AFG1L: variants seen among roughly 807,000 people sequenced by gnomAD.
AFG1L encodes AFG1-like ATPase.
A neutral mutation model predicts 62.2 loss-of-function variants in AFG1L; 53 were observed. The ratio of observed to expected loss-of-function variants is 0.85; its 90% confidence interval spans 0.68 to 1.07. The LOEUF is 1.07. Among genes scored for constraint, AFG1L ranks in the 50% least tolerant of loss-of-function variants. The probability of loss-of-function intolerance (pLI) is 0.00; values close to 1 mark genes in which losing one functional copy is unlikely to be tolerated. For synonymous variants in AFG1L, 228 were observed against 210.3 expected, an observed-to-expected ratio of 1.08 and a Z score of -0.73; for missense variants, 555 against 590.5, an observed-to-expected ratio of 0.94 and a Z score of 0.62.
chr6:108,399,673 CTTTTTTTTTTT>C (rs1215452077), intron 6 of AFG1L, among the ~76,000 whole-genome samples: 1 of 84,862 alleles, frequency 1.2e-5, no homozygotes, highest in Non-Finnish European at 2.6e-5. Flanking sequence ...AATAGTTTTC[CTTTTTTTTTTT>C]TTTTTTTTAA....
intron 8 of AFG1L, among the ~76,000 whole-genome samples, chr6:108,475,662 G>A (rs1171934384): frequency 6.6e-6 from 1 of 152,126 alleles, no homozygotes; most frequent in East Asian, 1.9e-4. Context: ...GTTGACCATT[G>A]CAAATGATGT....
chr6:108,506,353 G>A (rs1361914640), intron 10 of AFG1L, among the ~76,000 whole-genome samples: 3 of 152,078 alleles, frequency 2.0e-5, no homozygotes, highest in Admixed American at 1.3e-4. Flanking sequence ...AACTACAGGC[G>A]CATACCACCA....
intron 2 of AFG1L, among the ~76,000 whole-genome samples, chr6:108,324,356 AAGG>A (rs1163690310): frequency 6.6e-6 from 1 of 152,206 alleles, no homozygotes; most frequent in Non-Finnish European, 1.5e-5. Flanking sequence ...AGCAGTGGAA[AAGG>A]AGGAGTGATG....
chr6:108,522,917 T>TG lies in AFG1L; in HGVS notation c.*492_*493insG, dbSNP rs1302985569. Reference sequence around the variant, plus strand: ...TAGAATATGGGCTTATATGTGGTTTTTTTTTTTGGTTATGAATTACAGTAA... The same window carrying TG: ...TAGAATATGGGCTTATATGTGGTTTTGTTTTTTTGGTTATGAATTACAGTAA... On this transcript the variant is annotated 3_prime_UTR_variant, in exon 13 of 13. Coordinates refer to ENST00000368977, the MANE Select transcript of AFG1L (RefSeq NM_145315.5). The TG allele has an allele frequency of 6.6e-6, 1 of 152,080 alleles. No individual in the cohort carries two copies. The highest frequency in any genetic ancestry group is 1.5e-5 in the Non-Finnish European group (1 of 68,040). The allele number at this position is 152,080 out of a possible 1,614,324, so 9.4% of individuals were successfully genotyped here. A position where few individuals can be genotyped will look rare whatever the true frequency, so the allele number is the denominator to read the frequency against.
chr6:108,398,404 T>G (rs1781409757), intron 6 of AFG1L, among the ~76,000 whole-genome samples: 1 of 152,170 alleles, frequency 6.6e-6, no homozygotes. Flanking sequence ...ATTCTGTGGG[T>G]TGTCTCTTCA....
In AFG1L at chr6:108,502,592, G is replaced by A. The variant is rs141738990; in HGVS notation, c.1063-7620G>A. On this transcript the variant is annotated intron_variant, in intron 10 of 12. Transcript: ENST00000368977. Reference sequence around the variant, plus strand: ...TGACCTCAAGTGATCCGCCCACCTCGGCCTCCCAAAGTGCTGGGATTATAG... The same window carrying A: ...TGACCTCAAGTGATCCGCCCACCTCAGCCTCCCAAAGTGCTGGGATTATAG... Among the ~76,000 whole-genome samples, 992 of 152,070 alleles carry A rather than the reference G, an allele frequency of 6.5e-3. 8 individuals carry two copies. Among genetic ancestry groups the A allele is most frequent in the African/African-American group, 0.02 (836 of 41,514 alleles).
At chr6:108,485,869 G>A (rs1773553879) in intron 10 of AFG1L, among the ~76,000 whole-genome samples, 1 of 149,818 alleles carries the variant, frequency 6.7e-6, no homozygotes, top group South Asian at 2.1e-4. Flanking sequence ...ACAGGGTTTT[G>A]CCGTGTTGCC....
At position 108,522,682 on chromosome 6, in the gene AFG1L, A is replaced by G. The variant is rs1775170393; in HGVS notation, c.*257A>G. The G allele has an allele frequency of 1.2e-5, 3 of 246,704 alleles. No individual in the cohort carries two copies. Among genetic ancestry groups the G allele is most frequent in the African/African-American group, 2.2e-5 (1 of 44,626 alleles). The allele number at this position is 246,704 out of a possible 1,614,324, so 15.3% of individuals were successfully genotyped here. On this transcript the variant is annotated 3_prime_UTR_variant, in exon 13 of 13. Coordinates refer to ENST00000368977, the MANE Select transcript of AFG1L (RefSeq NM_145315.5). ...TCATCTCATTCCTGAAGATGAATGT[A>G]GGACCAGACATTTTAGCTTCACATT...
chr6:108,494,571 C>T (rs1276409619), intron 10 of AFG1L, among the ~76,000 whole-genome samples: 1 of 152,026 alleles, frequency 6.6e-6, no homozygotes, highest in African/African-American at 2.4e-5. Context: ...TCCCTCAGCA[C>T]TCCAAAGAAC....
At chr6:108,480,573 G>A (rs1413267019) in intron 10 of AFG1L, among the ~76,000 whole-genome samples, 2 of 152,086 alleles carry the variant, frequency 1.3e-5, no homozygotes, top group Admixed American at 6.6e-5. Flanking sequence ...CGAGGCAGGC[G>A]GATCACATGA....
At chr6:108,371,400 G>A (rs887025562) in intron 6 of AFG1L, among the ~76,000 whole-genome samples, 4 of 152,032 alleles carry the variant, frequency 2.6e-5, no homozygotes. Context: ...AACATAATGA[G>A]ACCCTATCTC....
At chr6:108,409,055 G>T (rs1178714566) in intron 7 of AFG1L, among the ~76,000 whole-genome samples, 5 of 152,088 alleles carry the variant, frequency 3.3e-5, no homozygotes, top group Non-Finnish European at 7.4e-5. Flanking sequence ...GTAGAATAAT[G>T]CTTACAGATA....
intron 1 of AFG1L, among the ~76,000 whole-genome samples, chr6:108,315,756 G>A (rs1330465989): frequency 6.6e-6 from 1 of 152,172 alleles, no homozygotes; most frequent in African/African-American, 2.4e-5. Context: ...TTTTTAAACA[G>A]TGGTTCTTGG....
intron 10 of AFG1L, among the ~76,000 whole-genome samples, chr6:108,509,656 G>T (rs1327880119): frequency 1.3e-5 from 2 of 152,164 alleles, no homozygotes; most frequent in Admixed American, 6.5e-5. Flanking sequence ...CCGCACTCTT[G>T]TCTTCTCTCT....
chr6:108,429,865 C>T (rs1770994018), intron 7 of AFG1L, among the ~76,000 whole-genome samples: 1 of 151,790 alleles, frequency 6.6e-6, no homozygotes, highest in South Asian at 2.1e-4. Flanking sequence ...TTTTTTTGAG[C>T]AGTATGGTCA....
At chr6:108,354,862 G>A (rs919791343) in intron 3 of AFG1L, among the ~76,000 whole-genome samples, 1 of 152,252 alleles carries the variant, frequency 6.6e-6, no homozygotes, top group South Asian at 2.1e-4. Context: ...AGATAAGAGG[G>A]TTCTACTACT....
At chr6:108,308,896 G>C (rs1777303454) in intron 1 of AFG1L, among the ~76,000 whole-genome samples, 1 of 152,044 alleles carries the variant, frequency 6.6e-6, no homozygotes, top group African/African-American at 2.4e-5. Context: ...TAGTAGAGAT[G>C]GGGTTTCACC....
chr6:108,506,193 T>C (rs1331711167), intron 10 of AFG1L, among the ~76,000 whole-genome samples: 3 of 152,072 alleles, frequency 2.0e-5, no homozygotes, highest in East Asian at 1.9e-4. Context: ...ATATAACCCA[T>C]GCACATCCTC....
chr6:108,318,922 A>G (rs1293898115), intron 1 of AFG1L, among the ~76,000 whole-genome samples: 2 of 152,184 alleles, frequency 1.3e-5, no homozygotes, highest in Non-Finnish European at 2.9e-5. Context: ...AGCTTTTGAG[A>G]AGTCTTTTGT....
Sources: allele counts gnomAD v4.1 joint callset (sites outside exome capture counted in the v4.1 genomes callset), GRCh38; gene constraint gnomAD v4.1.1; transcripts MANE v1.5; gene names NCBI Gene and HGNC (gene_info 2026-07-23, HGNC 2026-07-21).